HPSE2: variants seen among roughly 807,000 people sequenced by gnomAD.
The protein encoded by HPSE2 is heparanase 2 (inactive).
A neutral mutation model predicts 60.5 loss-of-function variants in HPSE2; 38 were observed. The observed-to-expected ratio is 0.63, with a 90% CI of 0.48 to 0.82. HPSE2 has a LOEUF of 0.82. HPSE2 is among the 40% of genes least tolerant of loss of function. The pLI is 0.00. For missense variants in HPSE2, 713 were observed against 740.4 expected (o/e 0.96, Z 0.43); for synonymous variants, 295 against 293.2 (o/e 1.01, Z -0.06).
At chr10:99,272,615 T>C in the HPSE2 span, among the ~76,000 whole-genome samples, 1 of 151,776 alleles carries the variant, frequency 6.6e-6, no homozygotes. Flanking sequence ...ACTAAGGACA[T>C]GAATAGACAA....
chr10:98,768,945 A>G (rs961947218), intron 3 of HPSE2, among the ~76,000 whole-genome samples: 8 of 152,038 alleles, frequency 5.3e-5, no homozygotes, highest in Non-Finnish European at 1.2e-4. Flanking sequence ...AGCTACTCAG[A>G]CCGAAGCAGG....
chr10:98,694,022 T>G (rs1435006699), intron 5 of HPSE2, 75 bp from the exon 6 acceptor site: 1 of 1,179,150 alleles, frequency 8.5e-7, no homozygotes, highest in Admixed American at 1.7e-5. Context: ...GGAAATAAAC[T>G]GAGACAGATT....
chr10:98,900,399 T>C (rs929058721), intron 3 of HPSE2, among the ~76,000 whole-genome samples: 9 of 152,280 alleles, frequency 5.9e-5, no homozygotes, highest in Non-Finnish European at 1.2e-4. Context: ...AAATCAGTGT[T>C]ACCTGGGACA....
At chr10:99,299,655 C>T in the HPSE2 span, among the ~76,000 whole-genome samples, 9 of 152,262 alleles carry the variant, frequency 5.9e-5, no homozygotes, top group Middle Eastern at 3.4e-3. Context: ...TTTCGACCCT[C>T]AGTGGGATTA....
chr10:98,670,106 C>T (rs1947468085), intron 6 of HPSE2, among the ~76,000 whole-genome samples: 1 of 152,162 alleles, frequency 6.6e-6, no homozygotes, highest in South Asian at 2.1e-4. Flanking sequence ...TTTCAAGGAA[C>T]ACGAGGTATG....
At chr10:98,562,729 A>G (rs1380244231) in intron 9 of HPSE2, among the ~76,000 whole-genome samples, 1 of 152,082 alleles carries the variant, frequency 6.6e-6, no homozygotes, top group East Asian at 1.9e-4. Flanking sequence ...AAAAAAAAAA[A>G]AAAAAAATCT....
chr10:98,800,931 A>AT (rs1950891923), intron 3 of HPSE2, among the ~76,000 whole-genome samples: 1 of 152,158 alleles, frequency 6.6e-6, no homozygotes, highest in African/African-American at 2.4e-5. Flanking sequence ...AAAACAGAAA[A>AT]CTACAGGCCA....
intron 11 of HPSE2, among the ~76,000 whole-genome samples, chr10:98,477,086 T>C (rs551338238): frequency 3.9e-4 from 59 of 152,298 alleles, no homozygotes; most frequent in African/African-American, 1.2e-3. Context: ...TAGGGACTTC[T>C]AGCTTTGTCA....
chr10:99,253,086 C>T, the HPSE2 span, among the ~76,000 whole-genome samples: 3 of 152,030 alleles, frequency 2.0e-5, no homozygotes, highest in Admixed American at 6.6e-5. Context: ...AATGCTATTC[C>T]TATCAAACTA....
At chr10:98,649,598 C>T (rs994872352) in intron 6 of HPSE2, among the ~76,000 whole-genome samples, 3 of 152,100 alleles carry the variant, frequency 2.0e-5, no homozygotes, top group African/African-American at 4.8e-5. Context: ...CAATATTGAA[C>T]TAAGTGCAAA....
chr10:98,834,440 G>A (rs1951748623), intron 3 of HPSE2, among the ~76,000 whole-genome samples: 1 of 152,146 alleles, frequency 6.6e-6, no homozygotes, highest in South Asian at 2.1e-4. Context: ...GCCAGTAAAT[G>A]AGGGGAAGCA....
chr10:99,292,252 G>A, the HPSE2 span, among the ~76,000 whole-genome samples: 1 of 152,180 alleles, frequency 6.6e-6, no homozygotes, highest in Non-Finnish European at 1.5e-5. Context: ...TAAGTAAATA[G>A]TTGGGAAGTT....
the HPSE2 span, among the ~76,000 whole-genome samples, chr10:99,299,965 T>G: frequency 3.7e-4 from 55 of 147,528 alleles, 1 homozygote; most frequent in East Asian, 9.9e-4. Flanking sequence ...CAAACCTCCA[T>G]GAGTCAACTC....
chr10:99,277,793 C>A, the HPSE2 span, among the ~76,000 whole-genome samples: 2 of 152,010 alleles, frequency 1.3e-5, no homozygotes, highest in Admixed American at 1.3e-4. Context: ...GTGTGGACCT[C>A]ACTTTTAAAA....
At chr10:99,146,630 G>A (rs1156330790) in intron 2 of HPSE2, among the ~76,000 whole-genome samples, 1 of 152,196 alleles carries the variant, frequency 6.6e-6, no homozygotes, top group Non-Finnish European at 1.5e-5. Context: ...GGGAGGCTGA[G>A]GCAGGTGGAT....
chr10:98,917,640 T>G (rs1258992365), intron 3 of HPSE2, among the ~76,000 whole-genome samples: 1 of 152,202 alleles, frequency 6.6e-6, no homozygotes, highest in East Asian at 1.9e-4. Context: ...GGTGCCTGAA[T>G]GAGGACTCAA....
In HPSE2 at chr10:99,171,933, C is replaced by G. The variant is rs376820354; in HGVS notation, c.449-27534G>C. Among the ~76,000 whole-genome samples the G allele has an allele frequency of 4.2e-4, 64 of 152,162 alleles. 4 individuals are homozygous for G. Among genetic ancestry groups the G allele is most frequent in the East Asian group, 2.5e-3 (13 of 5,174 alleles). ...GGAATAACTTCACCAAAGGGATTGC[C>G]CTTTGGTGTAATCCAAAGCTGCTAA... On this transcript the variant is annotated intron_variant, in intron 2 of 11. Coordinates refer to ENST00000370552, the MANE Select transcript of HPSE2 (RefSeq NM_021828.5).
At chr10:98,667,124 G>C (rs1318798709) in intron 6 of HPSE2, among the ~76,000 whole-genome samples, 1 of 151,680 alleles carries the variant, frequency 6.6e-6, no homozygotes, top group Non-Finnish European at 1.5e-5. Flanking sequence ...GAATAGAAAA[G>C]ATCCTCAGGG....
chr10:98,575,524 G>A (rs1260118543), intron 9 of HPSE2, among the ~76,000 whole-genome samples: 4 of 152,238 alleles, frequency 2.6e-5, no homozygotes, highest in African/African-American at 9.6e-5. Flanking sequence ...TATTTATTAA[G>A]TGCTTACTAT....
Sources: allele counts gnomAD v4.1 joint callset (sites outside exome capture counted in the v4.1 genomes callset), GRCh38; gene constraint gnomAD v4.1.1; transcripts MANE v1.5; gene names NCBI Gene and HGNC (gene_info 2026-07-23, HGNC 2026-07-21).